EXOC4: variants seen among roughly 807,000 people sequenced by gnomAD.
EXOC4 encodes SEC8-like 1.
Under a neutral mutation model 107.2 loss-of-function variants are expected in EXOC4, and 71 were observed. The ratio of observed to expected loss-of-function variants is 0.66; its 90% CI spans 0.55 to 0.81. The LOEUF (loss-of-function observed/expected upper bound fraction) is 0.81, where lower values mean the gene tolerates loss of function less well. Ranked by LOEUF, EXOC4 falls within the 30% of genes least tolerant of loss-of-function variation. The probability of loss-of-function intolerance (pLI) is 0.00; values close to 1 mark genes in which losing one functional copy is unlikely to be tolerated. For missense variants in EXOC4, 1,108 were observed against 1,189.6 expected (o/e 0.93, Z 1.01); for synonymous variants, 456 against 441.2 (o/e 1.03, Z -0.42).
intron 9 of EXOC4, among the ~76,000 whole-genome samples, chr7:133,528,368 T>C (rs1800118834): frequency 6.6e-6 from 1 of 152,200 alleles, no homozygotes; most frequent in Non-Finnish European, 1.5e-5. Flanking sequence ...ATTGTGAAAG[T>C]TCTGATTTTA....
intron 10 of EXOC4, among the ~76,000 whole-genome samples, chr7:133,668,675 G>A (rs1793870305): frequency 6.6e-6 from 1 of 152,212 alleles, no homozygotes. Flanking sequence ...CTGTTTGTGG[G>A]ATCAGAAGCT....
intron 9 of EXOC4, among the ~76,000 whole-genome samples, chr7:133,513,056 G>A (rs1476883675): frequency 6.6e-6 from 1 of 152,118 alleles, no homozygotes; most frequent in East Asian, 1.9e-4. Flanking sequence ...AGTGAGCCGA[G>A]ATCGCGCCAC....
chr7:133,393,382 C>T (rs933146888), intron 7 of EXOC4, among the ~76,000 whole-genome samples: 1 of 152,108 alleles, frequency 6.6e-6, no homozygotes, highest in African/African-American at 2.4e-5. Context: ...CCTGTCTCTT[C>T]CCCTAAACTC....
rs577901581 is a variant in EXOC4 at position 133,317,401 on chromosome 7, A to C, written c.763+11A>C. The C allele has an allele frequency of 1.0e-4, 157 of 1,546,120 alleles. 3 individuals carry two copies. The South Asian group carries it at 1.7e-3, about 17-fold the overall frequency. On this transcript the variant is annotated intron_variant, in intron 5 of 17. Transcript: ENST00000253861. ...CTGGAAGCTCAAGTGGTAAGTATTTAATTCTTCAGCCACTAAGCTTTTTAG... is the reference window on the plus strand; with the variant it reads ...CTGGAAGCTCAAGTGGTAAGTATTTCATTCTTCAGCCACTAAGCTTTTTAG...
chr7:133,857,782 G>A (rs1798449261), intron 11 of EXOC4, among the ~76,000 whole-genome samples: 1 of 152,120 alleles, frequency 6.6e-6, no homozygotes, highest in Admixed American at 6.5e-5. Flanking sequence ...ACTCGGAGAT[G>A]CCAGCAACCA....
chr7:133,852,019 T>C (rs1798248361), intron 11 of EXOC4, among the ~76,000 whole-genome samples: 1 of 152,302 alleles, frequency 6.6e-6, no homozygotes, highest in African/African-American at 2.4e-5. Context: ...AATTTTCTTA[T>C]AATCTTGACA....
At chr7:133,486,642 T>G (rs1161963278) in intron 9 of EXOC4, among the ~76,000 whole-genome samples, 1 of 152,228 alleles carries the variant, frequency 6.6e-6, no homozygotes, top group African/African-American at 2.4e-5. Flanking sequence ...ACATTTTTCT[T>G]CTGAAAATTG....
At chr7:133,492,484 A>G (rs753167470) in intron 9 of EXOC4, among the ~76,000 whole-genome samples, 8 of 152,158 alleles carry the variant, frequency 5.3e-5, no homozygotes, top group Non-Finnish European at 8.8e-5. Context: ...CTAGCCCAAT[A>G]TAATTTTACT....
intron 7 of EXOC4, among the ~76,000 whole-genome samples, chr7:133,462,333 G>C (rs1480063162): frequency 6.6e-6 from 1 of 152,132 alleles, no homozygotes; most frequent in Admixed American, 6.6e-5. Flanking sequence ...AGCTAGAAAA[G>C]AATATAAGAA....
chr7:133,551,124 T>C (rs139478577), intron 9 of EXOC4, among the ~76,000 whole-genome samples: 1 of 152,294 alleles, frequency 6.6e-6, no homozygotes, highest in East Asian at 1.9e-4. Flanking sequence ...TGGATCTCCA[T>C]TGGTTCTCCT....
chr7:133,480,120 C>T lies in EXOC4; in HGVS notation c.1399C>T (p.Arg467Trp), dbSNP rs774368637. 5.0e-6 allele frequency: 8 copies of T among 1,613,800 alleles called. No homozygotes were observed. Among genetic ancestry groups the T allele is most frequent in the African/African-American group, 2.7e-5 (2 of 74,898 alleles). The change falls in exon 9 of 18, where the codon CGG (arginine) becomes TGG (tryptophan). Residue 467 changes from arginine (R) to tryptophan (W), a missense_variant. Physicochemically the swap from Arg to Trp is moderately radical, Grantham distance 101 (BLOSUM62 -3). Coordinates refer to ENST00000253861, the MANE Select transcript of EXOC4 (RefSeq NM_021807.4). ...LREQRRELYSRSGELQGGPDD... is the reference protein window; with the variant it reads ...LREQRRELYSWSGELQGGPDD... ...AGAACAGAGAAGGGAGCTCTATAGT[C>T]GGAGTGGAGAACTGCAAGGTGAGTG...
chr7:134,050,192 T>C (rs1470497247), intron 17 of EXOC4, among the ~76,000 whole-genome samples: 1 of 152,240 alleles, frequency 6.6e-6, no homozygotes, highest in Non-Finnish European at 1.5e-5. Flanking sequence ...AGTAATTGTC[T>C]CTAGGAAAGG....
intron 9 of EXOC4, among the ~76,000 whole-genome samples, chr7:133,600,281 T>G (rs1190321877): frequency 2.0e-5 from 3 of 152,178 alleles, no homozygotes; most frequent in African/African-American, 7.2e-5. Flanking sequence ...GTGAGGATCT[T>G]GGGCAAGATG....
At chr7:133,686,126 C>T (rs1404835214) in intron 10 of EXOC4, among the ~76,000 whole-genome samples, 1 of 152,096 alleles carries the variant, frequency 6.6e-6, no homozygotes, top group Non-Finnish European at 1.5e-5. Flanking sequence ...TGAGCTAGTA[C>T]AGTCAGCCCC....
intron 11 of EXOC4, among the ~76,000 whole-genome samples, chr7:133,864,409 C>T (rs1307003069): frequency 6.6e-6 from 1 of 152,210 alleles, no homozygotes; most frequent in Non-Finnish European, 1.5e-5. Context: ...TCTCACTCTA[C>T]TACACCTCCT....
At chr7:133,641,708 T>C (rs1434520774) in intron 10 of EXOC4, among the ~76,000 whole-genome samples, 1 of 152,210 alleles carries the variant, frequency 6.6e-6, no homozygotes, top group Non-Finnish European at 1.5e-5. Flanking sequence ...ATATTCTATT[T>C]AGTTTTGCTT....
intron 3 of EXOC4, among the ~76,000 whole-genome samples, chr7:133,296,875 T>G (rs1794531368): frequency 6.6e-6 from 1 of 152,120 alleles, no homozygotes; most frequent in Non-Finnish European, 1.5e-5. Context: ...TAAATTCAGG[T>G]CACATCCCAG....
At chr7:134,049,098 CTG>C (rs1317459436) in intron 17 of EXOC4, among the ~76,000 whole-genome samples, 2 of 152,256 alleles carry the variant, frequency 1.3e-5, no homozygotes, top group Non-Finnish European at 2.9e-5. Context: ...AAAATAATGA[CTG>C]TACTTTGTGA....
chr7:134,001,343 T>G (rs1276783324), intron 15 of EXOC4, among the ~76,000 whole-genome samples: 3 of 152,190 alleles, frequency 2.0e-5, no homozygotes, highest in Admixed American at 1.3e-4. Flanking sequence ...CACCCCACTG[T>G]GTAATCAGCA....
Sources: gnomAD v4.1 joint callset for allele counts (sites outside exome capture counted in the v4.1 genomes callset) on GRCh38, gnomAD v4.1.1 for gene constraint, MANE v1.5 for transcripts, NCBI Gene and HGNC (gene_info 2026-07-23, HGNC 2026-07-21) for gene names.